Variants in NCOA2 observed in about 807,000 individuals in gnomAD.
The protein encoded by NCOA2 is class E basic helix-loop-helix protein 75.
Under a neutral mutation model 145.1 loss-of-function variants are expected in NCOA2, and 21 were observed. That is an observed-to-expected ratio of 0.14 (90% CI 0.10 to 0.21). NCOA2 has a LOEUF of 0.21. Among genes scored for constraint, NCOA2 ranks in the 10% least tolerant of loss-of-function variants. The pLI is 1.00. For synonymous variants in NCOA2, 619 were observed against 637.5 expected, an observed-to-expected ratio of 0.97 and a Z score of 0.44; for missense variants, 1,472 against 1,837.6, an observed-to-expected ratio of 0.80 and a Z score of 3.64.
intron 1 of NCOA2, among the ~76,000 whole-genome samples, chr8:70,336,606 CA>C (rs992952717): frequency 6.0e-5 from 9 of 149,192 alleles, no homozygotes; most frequent in African/African-American, 2.2e-4. Flanking sequence ...GAGACAGAGA[CA>C]GAGAGGGAGA....
chr8:70,152,704 GC>G (rs1260599873), intron 11 of NCOA2, among the ~76,000 whole-genome samples: 1 of 152,170 alleles, frequency 6.6e-6, no homozygotes, highest in African/African-American at 2.4e-5. Context: ...GTTAGGAAAT[GC>G]TGTAGAAACA....
In NCOA2 at chr8:70,339,789, A is replaced by C. The variant is rs561604437; in HGVS notation, c.-76-42989T>G. Among the ~76,000 whole-genome samples, 18 of 152,294 alleles carry C rather than the reference A, an allele frequency of 1.2e-4. No individual in the cohort carries two copies. The South Asian group carries it at 3.7e-3, about 32-fold the overall frequency. On this transcript the variant is annotated intron_variant, in intron 1 of 22. Transcript: ENST00000452400. ...GAACTCAGTAATATAACTGTTGCACACCTACAACCATCTGATCTTCAACAA... is the reference window on the plus strand; with the variant it reads ...GAACTCAGTAATATAACTGTTGCACCCCTACAACCATCTGATCTTCAACAA...
intron 2 of NCOA2, among the ~76,000 whole-genome samples, chr8:70,226,286 A>C (rs1586171472): frequency 6.6e-6 from 1 of 152,250 alleles, no homozygotes; most frequent in East Asian, 1.9e-4. Flanking sequence ...GAGAGAGGAA[A>C]GAAAGAAAGA....
At chr8:70,231,013 C>T (rs1048296625) in intron 2 of NCOA2, among the ~76,000 whole-genome samples, 3 of 152,122 alleles carry the variant, frequency 2.0e-5, no homozygotes, top group African/African-American at 7.2e-5. Flanking sequence ...CTATAAGTAA[C>T]ACTGATTAAT....
intron 4 of NCOA2, among the ~76,000 whole-genome samples, chr8:70,213,144 C>T (rs992357828): frequency 6.6e-6 from 1 of 151,358 alleles, no homozygotes; most frequent in Non-Finnish European, 1.5e-5. Flanking sequence ...AATAATCTCC[C>T]CAGGCCTAAA....
rs1423899760 is a variant in NCOA2 at position 70,155,975 on chromosome 8, T to C, written c.2390A>G (p.Asp797Gly). ...EKEEMSFEPG[D>G]QPGSELDNLE... is the part of the protein sequence containing the mutation. ...AGAAGATGTGATAAAACTTACCTGGTCACCAGGCTCAAAGCTCATCTCCTC... is the reference window on the plus strand; with the variant it reads ...AGAAGATGTGATAAAACTTACCTGGCCACCAGGCTCAAAGCTCATCTCCTC... Residue 797 changes from aspartate (D) to glycine (G), a missense_variant, in exon 11 of 23, where the codon GAC becomes GGC. Asp to Gly is a moderately conservative substitution (Grantham distance 94). Around this residue, in one of 4 missense-constraint regions of NCOA2, gnomAD observed 953 missense variants for 1,062.1 expected, o/e 0.90. Coordinates refer to ENST00000452400, the MANE Select transcript of NCOA2 (RefSeq NM_006540.4). 4 of 1,564,200 alleles carry C rather than the reference T, an allele frequency of 2.6e-6. No individual in the cohort carries two copies. The South Asian group carries it at 4.9e-5, about 19-fold the overall frequency.
chr8:70,203,772 A>G (rs955903367), intron 4 of NCOA2, among the ~76,000 whole-genome samples: 3 of 152,232 alleles, frequency 2.0e-5, no homozygotes, highest in Non-Finnish European at 4.4e-5. Flanking sequence ...CTTCAAACTA[A>G]AAGAATGAAT....
At chr8:70,263,134 CA>C (rs1310005992) in intron 2 of NCOA2, among the ~76,000 whole-genome samples, 1 of 148,266 alleles carries the variant, frequency 6.7e-6, no homozygotes, top group African/African-American at 2.5e-5. Context: ...ATTATTAAGT[CA>C]AATAAGGGTC....
At chr8:70,403,851 CCT>C, upstream of NCOA2, 1 of 374,522 alleles carries the variant, frequency 2.7e-6, no homozygotes, top group Non-Finnish European at 4.7e-6. Flanking sequence ...CCAACTCCCT[CCT>C]CCTCCTCCTC....
the NCOA2 span, among the ~76,000 whole-genome samples, chr8:70,417,422 G>A: frequency 0.026 from 4,019 of 151,852 alleles, 166 homozygotes; most frequent in African/African-American, 0.092. Flanking sequence ...GGTGGTGGGC[G>A]CCTGTAATCC....
intron 4 of NCOA2, among the ~76,000 whole-genome samples, chr8:70,181,882 A>G (rs2132997823): frequency 6.6e-6 from 1 of 152,360 alleles, no homozygotes; most frequent in Admixed American, 6.5e-5. Context: ...CGCAGAGCAA[A>G]GAAGTCACTG....
At position 70,148,442 on chromosome 8, in the gene NCOA2, A is replaced by G. The variant is rs1400426497; in HGVS notation, c.2436T>C (p.Asp812=). 6 of 1,613,478 alleles carry G rather than the reference A, an allele frequency of 3.7e-6. No individual in the cohort carries two copies. The highest frequency in any genetic ancestry group is 1.1e-5 in the South Asian group (1 of 91,050). The change falls in exon 12 of 23, where the codon GAT becomes GAC. Residue 812 remains aspartate, a synonymous_variant. Transcript: ENST00000452400. ...GCTGTGGTAATTGACTATTCTGCAA[A>G]TCATCCAAAATCTCCTCCAAGTTGT... The part of the protein sequence containing the change: ...ELDNLEEILD[D]LQNSQLPQLF...
chr8:70,416,099 G>A, the NCOA2 span, among the ~76,000 whole-genome samples: 369 of 152,234 alleles, frequency 2.4e-3, 2 homozygotes, highest in African/African-American at 8.3e-3. Flanking sequence ...AAGGCCAGTA[G>A]GGTGGAAATT....
In NCOA2 at chr8:70,227,842, C is replaced by T. The variant is rs557928175; in HGVS notation, c.-19-11078G>A. Reference sequence around the variant, plus strand: ...CCAGGCTGGCCAACATGGTGAAACCCCATCTCTACAAAAACACAAAAAAAT... The same window carrying T: ...CCAGGCTGGCCAACATGGTGAAACCTCATCTCTACAAAAACACAAAAAAAT... On this transcript the variant is annotated intron_variant, in intron 2 of 22. Coordinates refer to ENST00000452400, the MANE Select transcript of NCOA2 (RefSeq NM_006540.4). 2.6e-5 allele frequency among the ~76,000 whole-genome samples: 4 copies of T among 151,956 alleles called. No individual in the cohort carries two copies. The South Asian group carries it at 8.3e-4, about 32-fold the overall frequency.
the NCOA2 span, chr8:70,424,608 C>G: frequency 2.4e-6 from 1 of 416,760 alleles, no homozygotes; most frequent in African/African-American, 2.1e-5. Context: ...GTGCAGGCCT[C>G]CTGTGGAAGA....
At chr8:70,357,347 G>A (rs977024130) in intron 1 of NCOA2, 9 of 151,390 alleles carry the variant, frequency 5.9e-5, no homozygotes, top group Non-Finnish European at 1.0e-4. Context: ...TACAAAACAC[G>A]GCTGGCCAGA....
chr8:70,181,166 C>T (rs1815432532), intron 4 of NCOA2, among the ~76,000 whole-genome samples: 1 of 152,094 alleles, frequency 6.6e-6, no homozygotes, highest in African/African-American at 2.4e-5. Context: ...GAGTTCTATC[C>T]CTTCACTGGG....
At chr8:70,167,564 A>G (rs1045488074) in intron 6 of NCOA2, among the ~76,000 whole-genome samples, 3 of 152,176 alleles carry the variant, frequency 2.0e-5, no homozygotes, top group Non-Finnish European at 4.4e-5. Context: ...TTTAGTATAT[A>G]GTTTATAACT....
At position 70,126,947 on chromosome 8, in the gene NCOA2, C is replaced by T. The variant is rs761066825; in HGVS notation, c.3782G>A (p.Arg1261Gln). Residue 1261 changes from arginine to glutamine, a missense_variant, in exon 19 of 23, where the codon CGA (arginine) becomes CAA (glutamine). Physicochemically the swap from Arg to Gln is conservative, Grantham distance 43 (BLOSUM62 1). Around this residue, in one of 4 missense-constraint regions of NCOA2, gnomAD observed 232 missense variants for 290.6 expected, o/e 0.80. Transcript: ENST00000452400. ...QMHQQQQVQQRTLMMRGQGLN... is the reference protein window; with the variant it reads ...QMHQQQQVQQQTLMMRGQGLN... The stretch of plus-strand genomic sequence containing the variant: ...CCCTTGTCCTCTCATCATCAAAGTT[C>T]GTTGCTGAACTTGCTGTTGCTGATG... The T allele has an allele frequency of 6.2e-6, 10 of 1,613,798 alleles. No homozygotes were observed. The highest frequency in any genetic ancestry group is 7.6e-6 in the Non-Finnish European group (9 of 1,179,880).
Sources: gnomAD v4.1 joint callset for allele counts (sites outside exome capture counted in the v4.1 genomes callset) on GRCh38, gnomAD v4.1.1 for gene constraint, gnomAD v4.1.1 regional missense constraint, MANE v1.5 for transcripts, NCBI Gene and HGNC (gene_info 2026-07-23, HGNC 2026-07-21) for gene names.